Variants in PLXDC2 observed in about 807,000 individuals in gnomAD.
The protein encoded by PLXDC2 is plexin domain-containing protein 2.
In PLXDC2, 40 loss-of-function variants were observed where a neutral mutation model predicts 68.9. That is an observed-to-expected ratio of 0.58 (90% confidence interval 0.45 to 0.76). The LOEUF (loss-of-function observed/expected upper bound fraction) is 0.76, where lower values mean the gene tolerates loss of function less well. Among genes scored for constraint, PLXDC2 ranks in the 30% least tolerant of loss-of-function variants. The probability of loss-of-function intolerance (pLI) is 0.00; values close to 1 mark genes in which losing one functional copy is unlikely to be tolerated. For missense variants in PLXDC2, 644 were observed against 661.9 expected, an observed-to-expected ratio of 0.97 and a Z score of 0.30; for synonymous variants, 243 against 234.2, an observed-to-expected ratio of 1.04 and a Z score of -0.34.
chr10:20,273,150 A>C, intron 13 of PLXDC2, among the ~76,000 whole-genome samples: 1 of 152,254 alleles, frequency 6.6e-6, no homozygotes, highest in East Asian at 1.9e-4. Flanking sequence ...AGTACAAATC[A>C]TTCTCTGAAC....
intron 2 of PLXDC2, among the ~76,000 whole-genome samples, chr10:20,044,700 AC>A (rs1163960813): frequency 6.6e-6 from 1 of 151,910 alleles, no homozygotes; most frequent in Non-Finnish European, 1.5e-5. Flanking sequence ...CAGGTCTCAC[AC>A]CCCCACATCT....
chr10:20,102,583 G>T (rs567452337), intron 4 of PLXDC2, among the ~76,000 whole-genome samples: 2 of 152,220 alleles, frequency 1.3e-5, no homozygotes, highest in South Asian at 2.1e-4. Flanking sequence ...TTATGTAAGG[G>T]GTACGAGAAA....
chr10:19,869,415 C>T (rs1200138934), intron 1 of PLXDC2, among the ~76,000 whole-genome samples: 2 of 131,534 alleles, frequency 1.5e-5, no homozygotes, highest in East Asian at 2.2e-4. Context: ...CAGAGCAAGA[C>T]TCTACCAGAA....
chr10:20,263,525 A>G (rs1443114019), intron 13 of PLXDC2, among the ~76,000 whole-genome samples: 4 of 152,246 alleles, frequency 2.6e-5, no homozygotes, highest in Admixed American at 6.5e-5. Context: ...ATTTAACTTA[A>G]GAGCTTCTGC....
At position 20,271,132 on chromosome 10, in the gene PLXDC2, G is replaced by GGC. The variant is rs1554780227; in HGVS notation, c.1474-8571_1474-8570insGC. Among the ~76,000 whole-genome samples the GGC allele has an allele frequency of 9.1e-3, 887 of 97,854 alleles. 13 individuals carry two copies. Among genetic ancestry groups the GGC allele is most frequent in the African/African-American group, 0.027 (835 of 30,540 alleles). 64.2% of individuals were successfully genotyped at this position (97,854 alleles called of 152,430 possible). On this transcript the variant is annotated intron_variant, in intron 13 of 13. Coordinates refer to ENST00000377252, the MANE Select transcript of PLXDC2 (RefSeq NM_032812.9). The stretch of plus-strand genomic sequence containing the variant: ...AGGGGACCGTTTAAGACAAAAAACA[G>GGC]ACACACACACACACACACACACACA...
chr10:20,085,177 TG>T (rs1486348266), intron 4 of PLXDC2, among the ~76,000 whole-genome samples: 2 of 139,492 alleles, frequency 1.4e-5, no homozygotes, highest in East Asian at 4.5e-4. Context: ...TAAAAAAAGG[TG>T]GGGGGAGCCT....
chr10:20,219,101 A>G lies in PLXDC2; in HGVS notation c.1311A>G (p.Gly437=). 3 of 1,604,020 alleles carry G rather than the reference A, an allele frequency of 1.9e-6. No homozygotes were observed. Among genetic ancestry groups the G allele is most frequent in the Non-Finnish European group, 2.6e-6 (3 of 1,175,208 alleles). Residue 437 remains glycine, a splice_region_variant and synonymous_variant, in exon 12 of 14, where the codon GGA becomes GGG. Coordinates refer to ENST00000377252, the MANE Select transcript of PLXDC2 (RefSeq NM_032812.9). ...TAGCACTACATCTAAAAGATAATGG[A>G]GGTAGGAATTGATACTTTTCTTTCA... ...TKIALHLKDN[G]ASTDDSAAEK... is the part of the protein sequence containing the mutation.
chr10:20,180,719 G>A (rs899349480), intron 9 of PLXDC2, among the ~76,000 whole-genome samples: 10 of 151,974 alleles, frequency 6.6e-5, no homozygotes, highest in Admixed American at 3.3e-4. Context: ...ATTTTTCAAG[G>A]AGCAAAAACT....
At chr10:20,164,799 T>C (rs1834352217) in intron 7 of PLXDC2, among the ~76,000 whole-genome samples, 1 of 152,146 alleles carries the variant, frequency 6.6e-6, no homozygotes, top group Non-Finnish European at 1.5e-5. Flanking sequence ...TGTGTAATTT[T>C]GGACTCTTTT....
rs143173345 is a variant in PLXDC2 at position 20,203,213 on chromosome 10, A to G, written c.1062-8456A>G. On this transcript the variant is annotated intron_variant, in intron 9 of 13. Transcript: ENST00000377252. The stretch of plus-strand genomic sequence containing the variant: ...ATTTTCCTTGTTGGAAATTTTATCA[A>G]TGAAAGATAGGATAACAACTAAAAA... Among the ~76,000 whole-genome samples, 771 of 152,280 alleles carry G rather than the reference A, an allele frequency of 5.1e-3. 6 individuals carry two copies. Among genetic ancestry groups the G allele is most frequent in the African/African-American group, 0.017 (707 of 41,554 alleles).
At chr10:20,238,165 T>C (rs1564363226) in intron 12 of PLXDC2, among the ~76,000 whole-genome samples, 3 of 149,702 alleles carry the variant, frequency 2.0e-5, no homozygotes, top group Non-Finnish European at 4.4e-5. Flanking sequence ...TATATGTATA[T>C]ACATATATAT....
At chr10:20,012,304 T>TCTC (rs1564656367) in intron 2 of PLXDC2, among the ~76,000 whole-genome samples, 84 of 7,862 alleles carry the variant, frequency 0.011, 2 homozygotes, top group African/African-American at 0.02. Flanking sequence ...TCTCTCTCTC[T>TCTC]TTTTTATTTT....
intron 1 of PLXDC2, among the ~76,000 whole-genome samples, chr10:19,984,591 G>C (rs1334346031): frequency 6.6e-6 from 1 of 152,188 alleles, no homozygotes; most frequent in Non-Finnish European, 1.5e-5. Context: ...TATTACTTTT[G>C]AGTGGGACTA....
intron 2 of PLXDC2, among the ~76,000 whole-genome samples, chr10:20,041,311 A>C (rs957172412): frequency 6.6e-6 from 1 of 152,198 alleles, no homozygotes; most frequent in African/African-American, 2.4e-5. Flanking sequence ...GAACAAAAAA[A>C]TTCTTGAGTC....
intron 9 of PLXDC2, among the ~76,000 whole-genome samples, chr10:20,183,951 G>A (rs1834643316): frequency 6.6e-6 from 1 of 151,826 alleles, no homozygotes; most frequent in African/African-American, 2.4e-5. Flanking sequence ...TATTTTCTTT[G>A]ATCCAATCAA....
At chr10:20,157,252 T>C in intron 6 of PLXDC2, among the ~76,000 whole-genome samples, 1 of 152,204 alleles carries the variant, frequency 6.6e-6, no homozygotes, top group East Asian at 1.9e-4. Flanking sequence ...TTGTTTTTAA[T>C]ATTAAGCTAC....
At chr10:20,188,119 A>G (rs1160760133) in intron 9 of PLXDC2, among the ~76,000 whole-genome samples, 2 of 151,702 alleles carry the variant, frequency 1.3e-5, no homozygotes, top group African/African-American at 2.4e-5. Context: ...TGTGAATGTT[A>G]TTAAATATAT....
intron 2 of PLXDC2, among the ~76,000 whole-genome samples, chr10:20,027,497 A>G (rs1835424301): frequency 6.6e-6 from 1 of 152,124 alleles, no homozygotes; most frequent in Non-Finnish European, 1.5e-5. Flanking sequence ...TAGCCTCCAG[A>G]ACTGTGAGAA....
At chr10:20,013,217 G>A (rs753308864) in intron 2 of PLXDC2, among the ~76,000 whole-genome samples, 13 of 152,168 alleles carry the variant, frequency 8.5e-5, no homozygotes, top group Middle Eastern at 3.4e-3. Flanking sequence ...CCTACATAGC[G>A]TCTATCTCTT....
Sources: allele counts gnomAD v4.1 joint callset (sites outside exome capture counted in the v4.1 genomes callset), GRCh38; gene constraint gnomAD v4.1.1; transcripts MANE v1.5; gene names NCBI Gene and HGNC (gene_info 2026-07-23, HGNC 2026-07-21).